Variants in ITPR2 observed in about 807,000 individuals in gnomAD.
The protein encoded by ITPR2 is inositol 1,4,5-trisphosphate-gated calcium channel ITPR2.
Under a neutral mutation model 317.1 loss-of-function variants are expected in ITPR2, and 207 were observed. The ratio of observed to expected loss-of-function variants is 0.65; its 90% CI spans 0.58 to 0.73. ITPR2 has a LOEUF of 0.73. Ranked by LOEUF, ITPR2 falls within the 30% of genes least tolerant of loss-of-function variation. The pLI is 0.00. For missense variants in ITPR2, 2,613 were observed against 3,284.0 expected, an observed-to-expected ratio of 0.80 and a Z score of 4.99; for synonymous variants, 1,156 against 1,149.1, an observed-to-expected ratio of 1.01 and a Z score of -0.12.
intron 1 of ITPR2, among the ~76,000 whole-genome samples, chr12:26,799,728 C>T (rs1171935310): frequency 2.0e-5 from 3 of 152,176 alleles, no homozygotes; most frequent in Admixed American, 6.5e-5. Flanking sequence ...TCTTTGAACC[C>T]AGTGTTATTG....
intron 49 of ITPR2, 100 bp downstream of exon 49, chr12:26,427,813 C>A: frequency 1.5e-6 from 1 of 674,162 alleles, no homozygotes; most frequent in Non-Finnish European, 2.1e-6. Context: ...AATTAGAATT[C>A]ACCATGCATA....
In ITPR2 at chr12:26,457,364, G is replaced by C. The variant is rs559536104; in HGVS notation, c.6343-13714C>G. Among the ~76,000 whole-genome samples the C allele has an allele frequency of 2.0e-5, 3 of 152,312 alleles. No individual in the cohort carries two copies. In the South Asian group the frequency reaches 6.2e-4, roughly 32 times the overall value. The stretch of plus-strand genomic sequence containing the variant: ...GAATAAGTAAAGACGAAAGTGGCCA[G>C]AGAGAGGGGAGATGGGGAAGAAGGC... On this transcript the variant is annotated intron_variant, in intron 45 of 56. Coordinates refer to ENST00000381340, the MANE Select transcript of ITPR2 (RefSeq NM_002223.4).
At chr12:26,385,347 T>C (rs1939635612) in intron 55 of ITPR2, among the ~76,000 whole-genome samples, 1 of 152,112 alleles carries the variant, frequency 6.6e-6, no homozygotes, top group African/African-American at 2.4e-5. Flanking sequence ...ACCGCCTTTC[T>C]CCCAATGACC....
Position 26,461,621 on chromosome 12 carries a change from CATATAAATATAT to C in ITPR2, c.6342+13663_6342+13674del, listed in dbSNP as rs1303007136. Reference sequence around the variant, plus strand: ...AAGCTGACAATAAGAAAAAGAAAAGCATATAAATATATATATATATATATATATATATATATA... The same window carrying C: ...AAGCTGACAATAAGAAAAAGAAAAGCATATATATATATATATATATATATA... On this transcript the variant is annotated intron_variant, in intron 45 of 56. Coordinates refer to ENST00000381340, the MANE Select transcript of ITPR2 (RefSeq NM_002223.4). Among the ~76,000 whole-genome samples the C allele has an allele frequency of 6.7e-3, 796 of 119,346 alleles. 15 individuals are homozygous for C. The highest frequency in any genetic ancestry group is 0.023 in the African/African-American group (572 of 24,456). 78.3% of individuals were successfully genotyped at this position (119,346 alleles called of 152,430 possible).
At chr12:26,567,969 T>TATATAATA (rs1491378302) in intron 34 of ITPR2, among the ~76,000 whole-genome samples, 1 of 14,390 alleles carries the variant, frequency 6.9e-5, no homozygotes, top group African/African-American at 2.1e-4. Flanking sequence ...TATATATATA[T>TATATAATA]TATATATATT....
intron 55 of ITPR2, among the ~76,000 whole-genome samples, chr12:26,368,157 T>C (rs1177868143): frequency 6.6e-6 from 1 of 152,250 alleles, no homozygotes; most frequent in Non-Finnish European, 1.5e-5. Context: ...TATCATTCTC[T>C]GGCTTCCAAG....
intron 2 of ITPR2, among the ~76,000 whole-genome samples, chr12:26,758,260 T>C (rs1201336540): frequency 6.6e-6 from 1 of 152,234 alleles, no homozygotes; most frequent in African/African-American, 2.4e-5. Context: ...TATACATTGA[T>C]GTCTCCTTTT....
At chr12:26,796,965 A>G (rs1950456986) in intron 1 of ITPR2, among the ~76,000 whole-genome samples, 1 of 152,178 alleles carries the variant, frequency 6.6e-6, no homozygotes, top group African/African-American at 2.4e-5. Context: ...TGAACCAAGG[A>G]GGTGGAGGTT....
intron 34 of ITPR2, among the ~76,000 whole-genome samples, chr12:26,571,986 T>C (rs751985881): frequency 6.6e-6 from 1 of 152,252 alleles, no homozygotes; most frequent in Non-Finnish European, 1.5e-5. Context: ...AATTGATCTT[T>C]ACATTGACAG....
At chr12:26,425,118 A>G (rs1404311845) in intron 49 of ITPR2, among the ~76,000 whole-genome samples, 10 of 151,448 alleles carry the variant, frequency 6.6e-5, no homozygotes, top group Admixed American at 3.9e-4. Flanking sequence ...ATTTTTTTTT[A>G]TTTTTTGTAG....
intron 13 of ITPR2, among the ~76,000 whole-genome samples, chr12:26,679,715 CTG>C (rs1446112528): frequency 6.6e-6 from 1 of 151,914 alleles, no homozygotes; most frequent in Non-Finnish European, 1.5e-5. Flanking sequence ...AAAATAAAAA[CTG>C]TATTTTTGCT....
intron 2 of ITPR2, among the ~76,000 whole-genome samples, chr12:26,733,086 C>A (rs1949052108): frequency 6.6e-6 from 1 of 151,298 alleles, no homozygotes; most frequent in Non-Finnish European, 1.5e-5. Flanking sequence ...AATCCCAGCA[C>A]TTTGGGAGGC....
At chr12:26,456,510 C>A (rs1941889168) in intron 45 of ITPR2, among the ~76,000 whole-genome samples, 2 of 152,174 alleles carry the variant, frequency 1.3e-5, no homozygotes, top group African/African-American at 4.8e-5. Flanking sequence ...AACAGCCAAC[C>A]AGCTGCCCTC....
At chr12:26,568,702 C>T (rs1217944290) in intron 34 of ITPR2, among the ~76,000 whole-genome samples, 2 of 152,068 alleles carry the variant, frequency 1.3e-5, no homozygotes, top group African/African-American at 4.8e-5. Flanking sequence ...AAAGTGTAAG[C>T]ATTAATTAGA....
At chr12:26,363,359 A>C (rs1403953598) in intron 55 of ITPR2, among the ~76,000 whole-genome samples, 1 of 152,200 alleles carries the variant, frequency 6.6e-6, no homozygotes, top group African/African-American at 2.4e-5. Context: ...AGTGAGTTGT[A>C]TAATATTTCA....
Position 26,415,287 on chromosome 12 carries a change from G to A in ITPR2, c.7306+16C>T. The A allele has an allele frequency of 1.3e-6, 2 of 1,550,986 alleles. No individual in the cohort carries two copies. Among genetic ancestry groups the A allele is most frequent in the Admixed American group, 1.9e-5 (1 of 51,932 alleles). On this transcript the variant is annotated intron_variant, in intron 51 of 56. Coordinates refer to ENST00000381340, the MANE Select transcript of ITPR2 (RefSeq NM_002223.4). The stretch of plus-strand genomic sequence containing the variant: ...TCTGCCATCAGAGAAACCTCATTTA[G>A]TGGTAATAGCAATACCTGTAACAGG...
At chr12:26,724,828 A>G in intron 3 of ITPR2, 86 bp from the exon 4 acceptor site, 1 of 794,388 alleles carries the variant, frequency 1.3e-6, no homozygotes, top group Non-Finnish European at 2.0e-6. Context: ...TAGGAACAAG[A>G]CTATAGCCAG....
chr12:26,705,504 T>C (rs1320731182), intron 9 of ITPR2, among the ~76,000 whole-genome samples: 1 of 152,132 alleles, frequency 6.6e-6, no homozygotes, highest in African/African-American at 2.4e-5. Flanking sequence ...TCCCACTCTC[T>C]TTCTACTCCC....
In ITPR2 at chr12:26,682,041, T is replaced by C. The variant is rs775713173; in HGVS notation, c.1249-7A>G. On this transcript the variant is annotated splice_polypyrimidine_tract_variant and splice_region_variant and intron_variant, in intron 12 of 56. Transcript: ENST00000381340. ...TGGTTTGGCAGGTTCCAATCTGAAA[T>C]GTTTTTCCATTAAGCTTAGTTTTAT... The C allele has an allele frequency of 3.7e-6, 6 of 1,608,230 alleles. No homozygotes were observed. The Admixed American group carries it at 1.0e-4, about 27-fold the overall frequency.
Sources: gnomAD v4.1 joint callset for allele counts (sites outside exome capture counted in the v4.1 genomes callset) on GRCh38, gnomAD v4.1.1 for gene constraint, MANE v1.5 for transcripts, NCBI Gene and HGNC (gene_info 2026-07-23, HGNC 2026-07-21) for gene names.